CDK17: variants seen among roughly 807,000 people sequenced by gnomAD.
CDK17 encodes the protein cyclin-dependent kinase 17.
A neutral mutation model predicts 77.6 loss-of-function variants in CDK17; 24 were observed. The ratio of observed to expected loss-of-function variants is 0.31; its 90% confidence interval spans 0.22 to 0.44. The LOEUF (loss-of-function observed/expected upper bound fraction) is 0.44, where lower values mean the gene tolerates loss of function less well. Ranked by LOEUF, CDK17 falls within the 20% of genes least tolerant of loss-of-function variation. The pLI is 1.00. For synonymous variants in CDK17, 203 were observed against 210.4 expected, an observed-to-expected ratio of 0.96 and a Z score of 0.30; for missense variants, 429 against 622.5, an observed-to-expected ratio of 0.69 and a Z score of 3.31.
At chr12:96,380,960 T>A (rs530852049) in intron 1 of CDK17, among the ~76,000 whole-genome samples, 1 of 151,184 alleles carries the variant, frequency 6.6e-6, no homozygotes, top group South Asian at 2.1e-4. Context: ...TCTTCTCTCA[T>A]CTCTCTATTT....
chr12:96,356,855 A>G (rs2137181351), intron 1 of CDK17, among the ~76,000 whole-genome samples: 1 of 152,354 alleles, frequency 6.6e-6, no homozygotes, highest in African/African-American at 2.4e-5. Flanking sequence ...ATTTTTGTAT[A>G]CATTGTCTGC....
intron 3 of CDK17, among the ~76,000 whole-genome samples, chr12:96,315,830 A>G (rs988434667): frequency 2.7e-5 from 4 of 150,308 alleles, no homozygotes; most frequent in African/African-American, 1.0e-4. Flanking sequence ...ACATTGGGAT[A>G]AAAAATGAAG....
intron 1 of CDK17, among the ~76,000 whole-genome samples, chr12:96,395,525 G>A (rs531768665): frequency 1.1e-3 from 160 of 152,306 alleles, no homozygotes; most frequent in Non-Finnish European, 1.6e-3. Flanking sequence ...TATATGAAGC[G>A]CTTATTGTGA....
intron 3 of CDK17, among the ~76,000 whole-genome samples, chr12:96,321,960 A>T (rs1372273242): frequency 1.4e-5 from 2 of 145,862 alleles, no homozygotes; most frequent in African/African-American, 2.5e-5. Context: ...AAAGTATAAT[A>T]AAAAAAAAAA....
chr12:96,357,805 G>C (rs1953422896), intron 1 of CDK17, among the ~76,000 whole-genome samples: 2 of 152,076 alleles, frequency 1.3e-5, no homozygotes, highest in African/African-American at 4.8e-5. Flanking sequence ...AAGGTATCCT[G>C]AGATTTTAAT....
In CDK17 at chr12:96,395,913, C is replaced by CA. The variant is rs1275527624; in HGVS notation, c.-30+4072_-30+4073insT. 6.6e-5 allele frequency among the ~76,000 whole-genome samples: 10 copies of CA among 152,274 alleles called. No homozygotes were observed. In the South Asian group the frequency reaches 2.1e-3, roughly 32 times the overall value. ...TTAGCTGATTTCAGACTTCCAGCCC[C>CA]GGACCTGTGAGAAAATACGTCTGTG... On this transcript the variant is annotated intron_variant, in intron 1 of 16. Coordinates refer to ENST00000261211, the MANE Select transcript of CDK17 (RefSeq NM_002595.5).
At chr12:96,379,080 C>T (rs776184051) in intron 1 of CDK17, among the ~76,000 whole-genome samples, 3 of 152,066 alleles carry the variant, frequency 2.0e-5, no homozygotes, top group Non-Finnish European at 4.4e-5. Context: ...ATTTCTGAAG[C>T]ATAAATACAT....
chr12:96,314,703 T>C (rs1292889929), intron 3 of CDK17, among the ~76,000 whole-genome samples: 2 of 152,236 alleles, frequency 1.3e-5, no homozygotes, highest in Admixed American at 6.5e-5. Context: ...GCTGGATCTC[T>C]AGAACTCCTC....
chr12:96,297,848 T>TA (rs1204610360), intron 7 of CDK17, 127 bp from the exon 8 acceptor site: 15 of 534,700 alleles, frequency 2.8e-5, no homozygotes, highest in Admixed American at 1.4e-4. Flanking sequence ...CTCACCCCTA[T>TA]AATCCCAGCA....
intron 1 of CDK17, among the ~76,000 whole-genome samples, chr12:96,355,403 T>G (rs1327835945): frequency 1.5e-5 from 2 of 134,224 alleles, no homozygotes; most frequent in Non-Finnish European, 3.3e-5. Flanking sequence ...ATTGGGTTTT[T>G]TTTTTTTTTT....
At chr12:96,344,335 A>G (rs1322070139) in intron 1 of CDK17, among the ~76,000 whole-genome samples, 1 of 152,236 alleles carries the variant, frequency 6.6e-6, no homozygotes, top group Non-Finnish European at 1.5e-5. Context: ...GAATACATAC[A>G]TCCAAAAATT....
chr12:96,289,105 C>G, intron 11 of CDK17, 62 bp downstream of exon 11: 1 of 1,522,890 alleles, frequency 6.6e-7, no homozygotes, highest in Non-Finnish European at 9.1e-7. Context: ...ATCAATACAT[C>G]TTGCATTAAC....
chr12:96,345,619 A>G (rs1953195627), intron 1 of CDK17, among the ~76,000 whole-genome samples: 1 of 152,238 alleles, frequency 6.6e-6, no homozygotes, highest in Non-Finnish European at 1.5e-5. Context: ...AAAATATAAA[A>G]AGGTAATCTG....
intron 1 of CDK17, among the ~76,000 whole-genome samples, chr12:96,378,237 TAGTC>T (rs1416555203): frequency 3.3e-5 from 5 of 152,206 alleles, no homozygotes; most frequent in Admixed American, 2.0e-4. Context: ...TTTATTTATT[TAGTC>T]AGTCATTTAC....
intron 1 of CDK17, among the ~76,000 whole-genome samples, chr12:96,346,455 A>G (rs1953212353): frequency 5.8e-4 from 2 of 3,440 alleles, no homozygotes; most frequent in Admixed American, 5.5e-3. Flanking sequence ...CTATCTCAAA[A>G]AATAAATAAA....
chr12:96,300,022 G>C (rs1346200050), intron 6 of CDK17, among the ~76,000 whole-genome samples: 1 of 152,278 alleles, frequency 6.6e-6, no homozygotes, highest in East Asian at 1.9e-4. Context: ...AGTAGACTAA[G>C]TGACAAATGC....
Position 96,365,824 on chromosome 12 carries a change from T to C in CDK17, c.-29-30959A>G, listed in dbSNP as rs185733323. ...TGGGGGGCTGAGGTGGGGAGACTGT[T>C]TGAGCCTAGGAGTTCAAGACCAGCT... On this transcript the variant is annotated intron_variant, in intron 1 of 16. Coordinates refer to ENST00000261211, the MANE Select transcript of CDK17 (RefSeq NM_002595.5). Among the ~76,000 whole-genome samples the C allele has an allele frequency of 6.6e-3, 1,008 of 152,350 alleles. 48 individuals are homozygous for C. The highest frequency in any genetic ancestry group is 0.062 in the Admixed American group (954 of 15,294).
chr12:96,280,446 C>T (rs1380827574), intron 16 of CDK17, 167 bp from the exon 17 acceptor site: 2 of 1,430,606 alleles, frequency 1.4e-6, no homozygotes, highest in African/African-American at 1.4e-5. Context: ...GGTCAGTCTA[C>T]AGCTTCTATG....
intron 1 of CDK17, among the ~76,000 whole-genome samples, chr12:96,397,128 C>A (rs1954183824): frequency 6.6e-6 from 1 of 152,042 alleles, no homozygotes; most frequent in Non-Finnish European, 1.5e-5. Context: ...AAACAAGCCT[C>A]AACAAAGCAA....
Sources: gnomAD v4.1 joint callset for allele counts (sites outside exome capture counted in the v4.1 genomes callset) on GRCh38, gnomAD v4.1.1 for gene constraint, MANE v1.5 for transcripts, NCBI Gene and HGNC (gene_info 2026-07-23, HGNC 2026-07-21) for gene names.